Variants in L3MBTL3 observed in about 807,000 individuals in gnomAD.
L3MBTL3 encodes the protein lethal(3)malignant brain tumor-like protein 3.
L3MBTL3 carries 27 observed loss-of-function variants against 102.3 expected under a neutral mutation model. The observed-to-expected ratio is 0.26, with a 90% CI of 0.19 to 0.36. The LOEUF is 0.36. L3MBTL3 is among the 10% of genes least tolerant of loss of function. The pLI is 1.00. For synonymous variants in L3MBTL3, 340 were observed against 320.9 expected, an observed-to-expected ratio of 1.06 and a Z score of -0.64; for missense variants, 798 against 955.3, an observed-to-expected ratio of 0.84 and a Z score of 2.17.
chr6:130,084,686 T>C (rs1783568535), intron 15 of L3MBTL3, among the ~76,000 whole-genome samples: 1 of 152,232 alleles, frequency 6.6e-6, no homozygotes, highest in African/African-American at 2.4e-5. Context: ...TACACTTCAC[T>C]TTAAACGAAT....
At chr6:130,077,699 C>T (rs1783044437) in intron 13 of L3MBTL3, among the ~76,000 whole-genome samples, 1 of 152,196 alleles carries the variant, frequency 6.6e-6, no homozygotes. Flanking sequence ...CCTGGAAACT[C>T]CAGCCACACT....
intron 17 of L3MBTL3, 47 bp downstream of exon 17, chr6:130,092,906 A>G (rs879796900): frequency 8.7e-7 from 1 of 1,153,480 alleles, no homozygotes; most frequent in Non-Finnish European, 1.3e-6. Context: ...TTCCATATGT[A>G]GCATTCTTAA....
At chr6:130,129,978 G>T (rs1786895508) in intron 20 of L3MBTL3, among the ~76,000 whole-genome samples, 1 of 152,148 alleles carries the variant, frequency 6.6e-6, no homozygotes, top group Non-Finnish European at 1.5e-5. Context: ...ATTCCTTTTG[G>T]ATTAAAATCA....
chr6:130,116,741 GATCT>G (rs1048474008), intron 19 of L3MBTL3, among the ~76,000 whole-genome samples: 4 of 151,636 alleles, frequency 2.6e-5, no homozygotes, highest in Admixed American at 6.6e-5. Flanking sequence ...AGTGGAGTGA[GATCT>G]ATCTCTTAAA....
intron 20 of L3MBTL3, among the ~76,000 whole-genome samples, chr6:130,126,594 T>C (rs1786623807): frequency 6.6e-6 from 1 of 152,210 alleles, no homozygotes; most frequent in African/African-American, 2.4e-5. Context: ...AAAGGTATTT[T>C]CTCTGCATCA....
At chr6:130,100,450 GA>G (rs1784613431) in intron 18 of L3MBTL3, among the ~76,000 whole-genome samples, 2 of 152,224 alleles carry the variant, frequency 1.3e-5, no homozygotes, top group South Asian at 4.1e-4. Context: ...GAGTAGGTGT[GA>G]AAATGGGAGG....
intron 20 of L3MBTL3, among the ~76,000 whole-genome samples, chr6:130,122,881 T>C (rs111331249): frequency 0.017 from 2,651 of 152,308 alleles, 35 homozygotes; most frequent in Middle Eastern, 0.058. Flanking sequence ...ATCTATATCA[T>C]TGGATTATTG....
At position 130,034,824 on chromosome 6, in the gene L3MBTL3, T is replaced by C. The variant is rs1439665722; in HGVS notation, c.-15-7861T>C. 2.6e-5 allele frequency among the ~76,000 whole-genome samples: 4 copies of C among 152,338 alleles called. No individual in the cohort carries two copies. In the South Asian group the frequency reaches 6.2e-4, roughly 24 times the overall value. ...ATCATGTCTCTGCAAAATGACAAAT[T>C]ACTAAATGTCACAGCAACTTCAGGT... On this transcript the variant is annotated intron_variant, in intron 2 of 22. Coordinates refer to ENST00000361794, the MANE Select transcript of L3MBTL3 (RefSeq NM_032438.4).
At chr6:130,079,909 A>G (rs1039774576) in intron 14 of L3MBTL3, among the ~76,000 whole-genome samples, 1 of 152,170 alleles carries the variant, frequency 6.6e-6, no homozygotes, top group Non-Finnish European at 1.5e-5. Flanking sequence ...TGACTTATTT[A>G]CAGTACTATT....
intron 14 of L3MBTL3, among the ~76,000 whole-genome samples, chr6:130,080,829 CAAAA>C (rs762807325): frequency 1.0e-3 from 155 of 152,176 alleles, no homozygotes; most frequent in Non-Finnish European, 2.0e-3. Flanking sequence ...AATGAACAAA[CAAAA>C]CTGCCAAATT....
chr6:130,038,781 C>G (rs1401566509), intron 2 of L3MBTL3, among the ~76,000 whole-genome samples: 1 of 151,750 alleles, frequency 6.6e-6, no homozygotes, highest in Admixed American at 6.6e-5. Flanking sequence ...TCGTATAATC[C>G]CAGTTGTCTA....
intron 19 of L3MBTL3, among the ~76,000 whole-genome samples, chr6:130,111,767 G>A (rs2115416964): frequency 6.6e-6 from 1 of 152,200 alleles, no homozygotes; most frequent in Admixed American, 6.5e-5. Flanking sequence ...TCAGATTTGA[G>A]GTCCTATCTT....
chr6:130,116,194 A>G (rs1785665511), intron 19 of L3MBTL3, among the ~76,000 whole-genome samples: 1 of 152,234 alleles, frequency 6.6e-6, no homozygotes, highest in African/African-American at 2.4e-5. Flanking sequence ...ATAACTAGGA[A>G]TAGCTGCTGT....
At chr6:130,071,395 C>A (rs561493246) in intron 13 of L3MBTL3, among the ~76,000 whole-genome samples, 1 of 152,092 alleles carries the variant, frequency 6.6e-6, no homozygotes, top group Admixed American at 6.6e-5. Flanking sequence ...TATGTTCACA[C>A]GTATTTTAAT....
chr6:130,092,912 C>A, intron 17 of L3MBTL3, 53 bp downstream of exon 17: 1 of 1,111,234 alleles, frequency 9.0e-7, no homozygotes, highest in South Asian at 1.3e-5. Context: ...ATGTAGCATT[C>A]TTAAGATTTC....
At chr6:130,117,157 A>G (rs1183369216) in intron 19 of L3MBTL3, among the ~76,000 whole-genome samples, 2 of 111,426 alleles carry the variant, frequency 1.8e-5, no homozygotes, top group Non-Finnish European at 3.5e-5. Flanking sequence ...AGAGTGTGAT[A>G]TTCCCCTTCC....
intron 3 of L3MBTL3, among the ~76,000 whole-genome samples, chr6:130,046,360 T>G (rs1780724618): frequency 6.6e-6 from 1 of 152,352 alleles, no homozygotes; most frequent in Middle Eastern, 3.4e-3. Flanking sequence ...ATCTTTGCCC[T>G]TAAAACACAC....
intron 2 of L3MBTL3, among the ~76,000 whole-genome samples, chr6:130,027,732 T>G (rs538045969): frequency 9.1e-4 from 139 of 152,326 alleles, no homozygotes; most frequent in African/African-American, 3.1e-3. Context: ...ACTTTTAGCA[T>G]TAAAAATTAT....
At chr6:130,115,719 C>T (rs1785626508) in intron 19 of L3MBTL3, among the ~76,000 whole-genome samples, 1 of 152,142 alleles carries the variant, frequency 6.6e-6, no homozygotes, top group East Asian at 1.9e-4. Flanking sequence ...AAGTGGATTC[C>T]ACTGTCTTTA....
Sources: allele counts gnomAD v4.1 joint callset (sites outside exome capture counted in the v4.1 genomes callset), GRCh38; gene constraint gnomAD v4.1.1; transcripts MANE v1.5; gene names NCBI Gene and HGNC (gene_info 2026-07-23, HGNC 2026-07-21).